LETM2: variants seen among roughly 807,000 people sequenced by gnomAD.
The protein encoded by LETM2 is leucine zipper and EF-hand containing transmembrane protein 2.
In LETM2, 58 loss-of-function variants were observed where a neutral mutation model predicts 59.6. The observed-to-expected ratio is 0.97, with a 90% confidence interval of 0.79 to 1.21. The LOEUF is 1.21. Ranked by LOEUF, LETM2 falls within the 50% of genes most tolerant of loss-of-function variation. The pLI is 0.00. For missense variants in LETM2, 572 were observed against 575.7 expected (o/e 0.99, Z 0.07); for synonymous variants, 199 against 214.1 (o/e 0.93, Z 0.62).
intron 5 of LETM2, chr8:38,400,634 G>A: frequency 6.1e-6 from 4 of 660,362 alleles, no homozygotes; most frequent in Non-Finnish European, 1.0e-5. Flanking sequence ...TAACTTCTTG[G>A]AGAGAACAGT....
rs1278622893 is a variant in LETM2, at chr8:38,392,803, A to T, written c.309A>T (p.Thr103=). The T allele has an allele frequency of 6.2e-7, 1 of 1,614,082 alleles. No individual in the cohort carries two copies. Among genetic ancestry groups the T allele is most frequent in the Non-Finnish European group, 8.5e-7 (1 of 1,180,048 alleles). Residue 103 remains threonine, a synonymous_variant, in exon 3 of 11, where the codon ACA becomes ACT. Coordinates refer to ENST00000379957, the MANE Select transcript of LETM2 (RefSeq NM_001286819.2). ...LEQATKHPQV[T]SPQATKETGM... is the part of the protein sequence containing the mutation. ...AAGCCACAAAACATCCACAGGTGAC[A>T]AGCCCTCAGGCCACAAAAGAAACTG...
In LETM2 at chr8:38,392,945, G is replaced by C; in HGVS notation, c.451G>C (p.Val151Leu). Residue 151 changes from valine to leucine, a missense_variant, in exon 3 of 11, where the codon GTT (valine) becomes CTT (leucine). By Grantham distance (32) the Val-to-Leu change is conservative (BLOSUM62 1). Coordinates refer to ENST00000379957, the MANE Select transcript of LETM2 (RefSeq NM_001286819.2). ...TGACGCCAAAGTTGCTGCCAGAATG[G>C]TTTGGAGGCTGTTGCATGGACAGGT... ...WIDAKVAARM[V>L]WRLLHGQVLT... 6.2e-7 allele frequency: 1 copy of C among 1,611,162 alleles called. No homozygotes were observed.
In LETM2 at chr8:38,402,637, T is replaced by A. The variant is rs770752782; in HGVS notation, c.1097T>A (p.Leu366His). 1.2e-6 allele frequency: 2 copies of A among 1,613,954 alleles called. No homozygotes were observed. The highest frequency in any genetic ancestry group is 2.7e-5 in the African/African-American group (2 of 74,920). ...ACGGAGGAACAACTGCGACAACAGC[T>A]CACGGAGGCAAGTAGCAGCGCCCCT... ...GLTEEQLRQQ[L>H]TEWQDLHLKE... The change falls in exon 7 of 11, where the codon CTC (leucine) becomes CAC (histidine). Residue 366 changes from leucine to histidine, a missense_variant. Leu to His is a moderately conservative substitution (Grantham distance 99). Transcript: ENST00000379957.
chr8:38,385,538 C>A (rs1382273580), upstream of LETM2, among the ~76,000 whole-genome samples: 2 of 152,054 alleles, frequency 1.3e-5, no homozygotes, highest in African/African-American at 4.8e-5. Context: ...GAACTACAGG[C>A]GCACGCCACC....
In LETM2 at chr8:38,404,413, G is replaced by C. The variant is rs1421178220; in HGVS notation, c.1125G>C (p.Lys375Asn). Residue 375 changes from lysine (K) to asparagine (N), a missense_variant, in exon 8 of 11, where the codon AAG (lysine) becomes AAC (asparagine). Coordinates refer to ENST00000379957, the MANE Select transcript of LETM2 (RefSeq NM_001286819.2). ...TCCAGTGGCAGGACCTCCACCTGAA[G>C]GAGAACGTCCCTCCTTCCCTTTTGC... is the stretch of plus-strand genomic sequence containing the variant. ...QLTEWQDLHL[K>N]ENVPPSLLLL... is the part of the protein sequence containing the mutation. 1 of 1,613,750 alleles carries C rather than the reference G, an allele frequency of 6.2e-7. No individual in the cohort carries two copies. The highest frequency in any genetic ancestry group is 1.1e-5 in the South Asian group (1 of 91,062).
In LETM2 at chr8:38,400,259, T is replaced by C; in HGVS notation, c.646-13T>C. ...ACGAAGGATTGAGTAACTTTTATTC[T>C]TCTACCATTAAGGAAGAAAAACAGA... On this transcript the variant is annotated splice_polypyrimidine_tract_variant and intron_variant, in intron 4 of 10. Coordinates refer to ENST00000379957, the MANE Select transcript of LETM2 (RefSeq NM_001286819.2). 1 of 1,597,112 alleles carries C rather than the reference T, an allele frequency of 6.3e-7. No individual in the cohort carries two copies. Among genetic ancestry groups the C allele is most frequent in the Non-Finnish European group, 8.5e-7 (1 of 1,172,362 alleles).
chr8:38,402,865 C>T (rs1813355126), intron 7 of LETM2, among the ~76,000 whole-genome samples: 1 of 152,178 alleles, frequency 6.6e-6, no homozygotes, highest in Non-Finnish European at 1.5e-5. Flanking sequence ...AACTTAGTGG[C>T]TTAAAACAAC....
Position 38,392,529 on chromosome 8 carries a change from C to G in LETM2, c.48-13C>G, listed in dbSNP as rs1341335355. 6.5e-7 allele frequency: 1 copy of G among 1,545,596 alleles called. No individual in the cohort carries two copies. Reference sequence around the variant, plus strand: ...TATGTACTTAACTCAGAGGATGTTGCTTTTTATTCCAGATTCCCTAGCCAT... The same window carrying G: ...TATGTACTTAACTCAGAGGATGTTGGTTTTTATTCCAGATTCCCTAGCCAT... On this transcript the variant is annotated splice_polypyrimidine_tract_variant and intron_variant, in intron 2 of 10. Coordinates refer to ENST00000379957, the MANE Select transcript of LETM2 (RefSeq NM_001286819.2).
intron 2 of LETM2, among the ~76,000 whole-genome samples, chr8:38,388,497 G>A (rs919613381): frequency 2.0e-5 from 3 of 150,868 alleles, no homozygotes; most frequent in East Asian, 2.1e-4. Context: ...CAAGGCGAGC[G>A]GATTGCCTGA....
At position 38,392,760 on chromosome 8, in the gene LETM2, G is replaced by T. The variant is rs1221095742; in HGVS notation, c.266G>T (p.Gly89Val). The T allele has an allele frequency of 6.2e-7, 1 of 1,614,080 alleles. No individual in the cohort carries two copies. Among genetic ancestry groups the T allele is most frequent in the Non-Finnish European group, 8.5e-7 (1 of 1,180,032 alleles). ...TSTCWLQEVP[G>V]KPQLEQATKH... The stretch of plus-strand genomic sequence containing the variant: ...ACTTGCTGGCTGCAAGAAGTTCCTG[G>T]CAAACCTCAGCTGGAGCAAGCCACA... Residue 89 changes from glycine (G) to valine (V), a missense_variant, in exon 3 of 11, where the codon GGC (glycine) becomes GTC (valine). By Grantham distance (109) the Gly-to-Val change is moderately radical. Coordinates refer to ENST00000379957, the MANE Select transcript of LETM2 (RefSeq NM_001286819.2).
chr8:38,400,232 T>G (rs1291621868), intron 4 of LETM2, 40 bp from the exon 5 acceptor site: 1 of 1,525,536 alleles, frequency 6.6e-7, no homozygotes, highest in East Asian at 2.3e-5. Flanking sequence ...CAATTTACAA[T>G]CACGAAGGAT....
chr8:38,400,680 C>A, intron 5 of LETM2, 173 bp from the exon 6 acceptor site: 1 of 687,744 alleles, frequency 1.5e-6, no homozygotes, highest in Non-Finnish European at 2.4e-6. Context: ...CCTGATTTTT[C>A]AGCTGATGTA....
intron 8 of LETM2, among the ~76,000 whole-genome samples, chr8:38,405,246 C>A (rs1336236639): frequency 6.6e-6 from 1 of 152,136 alleles, no homozygotes; most frequent in Non-Finnish European, 1.5e-5. Context: ...TGTCTTTCAA[C>A]TCATTTCCTT....
At position 38,407,729 on chromosome 8, in the gene LETM2, G is replaced by A. The variant is rs986660316; in HGVS notation, c.1413+266G>A. Among the ~76,000 whole-genome samples, 6 of 151,730 alleles carry A rather than the reference G, an allele frequency of 4.0e-5. No individual in the cohort carries two copies. The South Asian group carries it at 1.2e-3, about 31-fold the overall frequency. On this transcript the variant is annotated intron_variant, in intron 10 of 10. Transcript: ENST00000379957. ...TATAGGCAGACCCTTTTTTTCTTATGTGCCAGGTGGAAATAGTTTCCATGT... is the reference window on the plus strand; with the variant it reads ...TATAGGCAGACCCTTTTTTTCTTATATGCCAGGTGGAAATAGTTTCCATGT...
At chr8:38,400,209 CATCTTT>C in intron 4 of LETM2, 57 bp from the exon 5 acceptor site, 1 of 1,319,130 alleles carries the variant, frequency 7.6e-7, no homozygotes, top group Non-Finnish European at 1.1e-6. Flanking sequence ...ATTTTTCTCC[CATCTTT>C]ATCTACCAAT....
intron 4 of LETM2, 34 bp downstream of exon 4, chr8:38,394,275 A>G: frequency 7.6e-7 from 1 of 1,311,082 alleles, no homozygotes; most frequent in East Asian, 2.6e-5. Context: ...AATTTAATAA[A>G]CCTTATTAGA....
intron 2 of LETM2, among the ~76,000 whole-genome samples, chr8:38,390,074 AGCTGG>A (rs1232889665): frequency 6.6e-6 from 1 of 151,370 alleles, no homozygotes; most frequent in Non-Finnish European, 1.5e-5. Flanking sequence ...TTTTAAAACT[AGCTGG>A]GCGTGGTGGT....
intron 6 of LETM2, chr8:38,401,501 A>G (rs1813223769): frequency 5.6e-6 from 1 of 179,918 alleles, no homozygotes; most frequent in Non-Finnish European, 1.2e-5. Flanking sequence ...GGTTTAAACA[A>G]CCATTACCAT....
At chr8:38,390,970 C>A (rs961512861) in intron 2 of LETM2, among the ~76,000 whole-genome samples, 1 of 151,734 alleles carries the variant, frequency 6.6e-6, no homozygotes, top group Admixed American at 6.6e-5. Flanking sequence ...CATGAGCCAG[C>A]GTGCCTGGCG....
Sources: gnomAD v4.1 joint callset for allele counts (sites outside exome capture counted in the v4.1 genomes callset) on GRCh38, gnomAD v4.1.1 for gene constraint, MANE v1.5 for transcripts, NCBI Gene and HGNC (gene_info 2026-07-23, HGNC 2026-07-21) for gene names.